ANTXR1: variants seen among roughly 807,000 people sequenced by gnomAD.
ANTXR1 encodes anthrax toxin receptor 1.
A neutral mutation model predicts 78.1 loss-of-function variants in ANTXR1; 19 were observed. The ratio of observed to expected loss-of-function variants is 0.24; its 90% confidence interval spans 0.17 to 0.36. ANTXR1 has a LOEUF of 0.36. ANTXR1 is among the 10% of genes least tolerant of loss of function. The pLI is 1.00. For synonymous variants in ANTXR1, 273 were observed against 260.5 expected, an observed-to-expected ratio of 1.05 and a Z score of -0.46; for missense variants, 518 against 718.6, an observed-to-expected ratio of 0.72 and a Z score of 3.19.
At chr2:69,086,658 T>TAAGCACATGTG (rs1558530783) in intron 8 of ANTXR1, among the ~76,000 whole-genome samples, 1 of 51,094 alleles carries the variant, frequency 2.0e-5, no homozygotes, top group African/African-American at 8.5e-5. Context: ...CGATGGGGCG[T>TAAGCACATGTG]AAGCACATGT....
chr2:69,127,996 G>A (rs1672600606), intron 12 of ANTXR1, among the ~76,000 whole-genome samples: 1 of 152,134 alleles, frequency 6.6e-6, no homozygotes, highest in South Asian at 2.1e-4. Flanking sequence ...GGAGACATAG[G>A]CGGGTGGATC....
At position 69,177,801 on chromosome 2, in the gene ANTXR1, C is replaced by T. The variant is rs530368652; in HGVS notation, c.1090-3985C>T. On this transcript the variant is annotated intron_variant, in intron 14 of 17. Transcript: ENST00000303714. ...CCCCTGACGGAATATTAAAGGGACT[C>T]TTATTTACCACCGGCCACCCCCACC... Among the ~76,000 whole-genome samples the T allele has an allele frequency of 2.3e-4, 35 of 152,214 alleles. 1 individual carries two copies. Among genetic ancestry groups the T allele is most frequent in the Admixed American group, 1.9e-3 (29 of 15,300 alleles).
intron 17 of ANTXR1, among the ~76,000 whole-genome samples, chr2:69,222,097 A>G (rs1675334169): frequency 6.6e-6 from 1 of 152,164 alleles, no homozygotes; most frequent in Admixed American, 6.5e-5. Context: ...CATTACATCC[A>G]ACACCACCAT....
At chr2:69,114,824 C>T (rs1335474229) in intron 10 of ANTXR1, among the ~76,000 whole-genome samples, 2 of 152,186 alleles carry the variant, frequency 1.3e-5, no homozygotes, top group African/African-American at 4.8e-5. Context: ...TCTCTTACTC[C>T]AACCAGGACT....
At chr2:69,066,431 G>T (rs1329024738) in intron 3 of ANTXR1, among the ~76,000 whole-genome samples, 1 of 152,116 alleles carries the variant, frequency 6.6e-6, no homozygotes, top group African/African-American at 2.4e-5. Flanking sequence ...TAGTAGATGG[G>T]ATTACAGGCA....
At chr2:69,042,383 CAT>C (rs1669639060) in intron 2 of ANTXR1, among the ~76,000 whole-genome samples, 1 of 152,126 alleles carries the variant, frequency 6.6e-6, no homozygotes. Flanking sequence ...CTAAAAGATG[CAT>C]ATGTGTCCTT....
At chr2:69,026,049 C>T (rs1232968880) in intron 1 of ANTXR1, among the ~76,000 whole-genome samples, 1 of 152,208 alleles carries the variant, frequency 6.6e-6, no homozygotes, top group Non-Finnish European at 1.5e-5. Flanking sequence ...TTTCTGGAAT[C>T]CTCACTCCCA....
intron 16 of ANTXR1, among the ~76,000 whole-genome samples, chr2:69,189,777 C>CTG (rs1231000551): frequency 6.6e-6 from 1 of 152,170 alleles, no homozygotes; most frequent in East Asian, 1.9e-4. Context: ...GTGTGCCCAT[C>CTG]TGGAGAGATT....
At chr2:69,124,524 C>A in intron 11 of ANTXR1, 41 bp from the exon 12 acceptor site, 9 of 1,582,278 alleles carry the variant, frequency 5.7e-6, no homozygotes, top group Non-Finnish European at 7.8e-6. Flanking sequence ...TTGCTCATTG[C>A]ACGCCCTGCT....
At position 69,205,981 on chromosome 2, in the gene ANTXR1, G is replaced by A. The variant is rs377615698; in HGVS notation, c.1434+12566G>A. Reference sequence around the variant, plus strand: ...TTTACCAGTCTCACTTTACAAATTCGTTCCTATAACATTTGTTTAATATTA... The same window carrying A: ...TTTACCAGTCTCACTTTACAAATTCATTCCTATAACATTTGTTTAATATTA... On this transcript the variant is annotated intron_variant, in intron 17 of 17. Coordinates refer to ENST00000303714, the MANE Select transcript of ANTXR1 (RefSeq NM_032208.3). 1.1e-4 allele frequency among the ~76,000 whole-genome samples: 17 copies of A among 152,038 alleles called. No individual in the cohort carries two copies. In the South Asian group the frequency reaches 1.2e-3, roughly 11 times the overall value.
chr2:69,216,906 C>T (rs1356957281), intron 17 of ANTXR1, among the ~76,000 whole-genome samples: 2 of 152,232 alleles, frequency 1.3e-5, no homozygotes, highest in Non-Finnish European at 2.9e-5. Context: ...AACCAGCACT[C>T]TCTGGGTGCT....
At chr2:69,165,675 C>G (rs988716429) in intron 13 of ANTXR1, among the ~76,000 whole-genome samples, 1 of 152,244 alleles carries the variant, frequency 6.6e-6, no homozygotes, top group Non-Finnish European at 1.5e-5. Flanking sequence ...TCAAACGGAA[C>G]GTCTAGTGAG....
chr2:69,227,726 T>C (rs1675491113), intron 17 of ANTXR1, among the ~76,000 whole-genome samples: 1 of 152,208 alleles, frequency 6.6e-6, no homozygotes, highest in Non-Finnish European at 1.5e-5. Flanking sequence ...CTTGTCAGCA[T>C]AGTCCAAGAA....
At chr2:69,155,126 C>G (rs1215197415) in intron 13 of ANTXR1, among the ~76,000 whole-genome samples, 1 of 152,186 alleles carries the variant, frequency 6.6e-6, no homozygotes, top group Non-Finnish European at 1.5e-5. Context: ...CCCCACTCCC[C>G]CATTTGGGCT....
intron 9 of ANTXR1, among the ~76,000 whole-genome samples, chr2:69,100,511 G>T (rs1397309125): frequency 1.3e-5 from 2 of 152,202 alleles, no homozygotes; most frequent in Admixed American, 6.5e-5. Context: ...AAGCAGACAT[G>T]CAGGCAGCCT....
chr2:69,246,480 GT>G lies in ANTXR1; in HGVS notation c.*1001del, dbSNP rs953116472. On this transcript the variant is annotated 3_prime_UTR_variant, in exon 18 of 18. Transcript: ENST00000303714. The stretch of plus-strand genomic sequence containing the variant: ...TATCACTAGTTTTTTTTGTTTGTTT[GT>G]TTTTTGTTTTTTTTCTTGGTAAAGC... The G allele has an allele frequency of 5.9e-5, 9 of 151,844 alleles. No individual in the cohort carries two copies. The highest frequency in any genetic ancestry group is 2.1e-4 in the South Asian group (1 of 4,800). 9.4% of individuals were successfully genotyped at this position (151,844 alleles called of 1,614,324 possible).
chr2:69,211,715 A>G (rs1675048813), intron 17 of ANTXR1, among the ~76,000 whole-genome samples: 1 of 152,254 alleles, frequency 6.6e-6, no homozygotes, highest in South Asian at 2.1e-4. Context: ...TTCATAGAGC[A>G]TCACTTGGGA....
chr2:69,027,928 T>G (rs191400275), intron 1 of ANTXR1, among the ~76,000 whole-genome samples: 1 of 151,900 alleles, frequency 6.6e-6, no homozygotes, highest in African/African-American at 2.4e-5. Context: ...TTAGAACGGT[T>G]AAGGAAATAT....
chr2:69,082,654 C>T (rs1670933015), intron 8 of ANTXR1, among the ~76,000 whole-genome samples: 1 of 152,048 alleles, frequency 6.6e-6, no homozygotes, highest in Non-Finnish European at 1.5e-5. Context: ...GGGTCAGCAG[C>T]TTTGAATCCC....
Sources: allele counts gnomAD v4.1 joint callset (sites outside exome capture counted in the v4.1 genomes callset), GRCh38; gene constraint gnomAD v4.1.1; transcripts MANE v1.5; gene names NCBI Gene and HGNC (gene_info 2026-07-23, HGNC 2026-07-21).